MORN2: variants seen among roughly 807,000 people sequenced by gnomAD.
MORN2 encodes the protein MORN repeat-containing protein 2.
Under a neutral mutation model 13.4 loss-of-function variants are expected in MORN2, and 15 were observed. The ratio of observed to expected loss-of-function variants is 1.12; its 90% CI spans 0.75 to 1.72. The LOEUF is 1.72. MORN2 is among the 40% of genes most tolerant of loss of function. MORN2 has a pLI of 0.00. For synonymous variants in MORN2, 46 were observed against 43.6 expected, an observed-to-expected ratio of 1.06 and a Z score of -0.22; for missense variants, 168 against 134.6, an observed-to-expected ratio of 1.25 and a Z score of -1.23.
intron 4 of MORN2, among the ~76,000 whole-genome samples, chr2:38,882,169 T>G (rs1257279573): frequency 6.6e-6 from 1 of 151,606 alleles, no homozygotes; most frequent in African/African-American, 2.4e-5. Context: ...TATGTGATCC[T>G]AAAATCTTGG....
At chr2:38,879,439 A>G (rs1181189506) in intron 1 of MORN2, among the ~76,000 whole-genome samples, 1 of 152,250 alleles carries the variant, frequency 6.6e-6, no homozygotes, top group African/African-American at 2.4e-5. Flanking sequence ...CAACATATTT[A>G]TACAATATAC....
intron 1 of MORN2, among the ~76,000 whole-genome samples, chr2:38,876,548 C>G (rs1665630735): frequency 6.6e-6 from 1 of 152,206 alleles, no homozygotes; most frequent in Non-Finnish European, 1.5e-5. Context: ...GTACTAAACA[C>G]GGAGTCGGAC....
chr2:38,879,013 T>C (rs1310874238), intron 1 of MORN2, among the ~76,000 whole-genome samples: 1 of 152,230 alleles, frequency 6.6e-6, no homozygotes, highest in Non-Finnish European at 1.5e-5. Context: ...ATACAGTTTC[T>C]AGTTTTAGTC....
At chr2:38,876,199 A>G (rs1244941028) in intron 1 of MORN2, 89 bp downstream of exon 1, 1 of 398,324 alleles carries the variant, frequency 2.5e-6, no homozygotes, top group Non-Finnish European at 4.4e-6. Flanking sequence ...GGCTCCCGGT[A>G]ACTCCTGTGG....
intron 3 of MORN2, 101 bp downstream of exon 3, chr2:38,880,807 A>C: frequency 8.2e-7 from 1 of 1,218,750 alleles, no homozygotes; most frequent in Non-Finnish European, 1.1e-6. Flanking sequence ...TAATGAGTAG[A>C]CTATATAATA....
At chr2:38,881,242 A>G (rs966289137) in intron 3 of MORN2, among the ~76,000 whole-genome samples, 200 bp from the exon 4 acceptor site, 1 of 152,174 alleles carries the variant, frequency 6.6e-6, no homozygotes, top group Non-Finnish European at 1.5e-5. Flanking sequence ...GATCCAGAAC[A>G]TTTAATTTAC....
chr2:38,877,856 G>C (rs1450740956), intron 1 of MORN2, among the ~76,000 whole-genome samples: 1 of 151,488 alleles, frequency 6.6e-6, no homozygotes, highest in Non-Finnish European at 1.5e-5. Flanking sequence ...TGGAGGGCAG[G>C]GTGTGATCGG....
chr2:38,876,358 G>T (rs760075336), intron 1 of MORN2: 2 of 385,918 alleles, frequency 5.2e-6, no homozygotes, highest in African/African-American at 4.1e-5. Flanking sequence ...CTATGGTGCC[G>T]GGTGGTCTCT....
chr2:38,879,742 C>A (rs1476696968), intron 1 of MORN2, among the ~76,000 whole-genome samples: 2 of 151,946 alleles, frequency 1.3e-5, no homozygotes, highest in African/African-American at 4.8e-5. Context: ...ATGATAGTTG[C>A]ACAACTCTGA....
Position 38,881,486 on chromosome 2 carries a change from TGAA to T in MORN2, c.263_265del (p.Glu88del). On this transcript the variant is annotated inframe_deletion, in exon 4 of 5. Transcript: ENST00000644631. The stretch of plus-strand genomic sequence containing the variant: ...TTGAGCATTTTTCAGGAGCAGTATA[TGAA>T]GGACAATTTAAGGATAATATGTTTC... 1 of 1,546,294 alleles carries T rather than the reference TGAA, an allele frequency of 6.5e-7. No individual in the cohort carries two copies. The highest frequency in any genetic ancestry group is 8.7e-7 in the Non-Finnish European group (1 of 1,145,198).
intron 4 of MORN2, among the ~76,000 whole-genome samples, 177 bp downstream of exon 4, chr2:38,881,755 A>G (rs1054466044): frequency 6.6e-6 from 1 of 152,124 alleles, no homozygotes; most frequent in African/African-American, 2.4e-5. Context: ...GGTTCAAGCG[A>G]TTCTCTTGCC....
At chr2:38,879,636 G>A (rs896182532) in intron 1 of MORN2, among the ~76,000 whole-genome samples, 8 of 152,072 alleles carry the variant, frequency 5.3e-5, no homozygotes, top group African/African-American at 1.9e-4. Context: ...TGGGGTTGTG[G>A]GGTGAGGGGT....
chr2:38,881,474 A>G lies in MORN2; in HGVS notation c.249A>G (p.Ser83=). 6.5e-7 allele frequency: 1 copy of G among 1,539,512 alleles called. No individual in the cohort carries two copies. Among genetic ancestry groups the G allele is most frequent in the Non-Finnish European group, 8.7e-7 (1 of 1,143,328 alleles). Residue 83 remains serine, a synonymous_variant, in exon 4 of 5, where the codon TCA becomes TCG. Coordinates refer to ENST00000644631, the MANE Select transcript of MORN2 (RefSeq NM_001145450.3). ...GTTTTGGAAGACTTGAGCATTTTTCAGGAGCAGTATATGAAGGACAATTTA... is the reference window on the plus strand; with the variant it reads ...GTTTTGGAAGACTTGAGCATTTTTCGGGAGCAGTATATGAAGGACAATTTA...
At chr2:38,881,636 T>G in intron 4 of MORN2, 58 bp downstream of exon 4, 23 of 1,246,500 alleles carry the variant, frequency 1.8e-5, no homozygotes, top group Non-Finnish European at 2.4e-5. Flanking sequence ...TCTGGTATGT[T>G]TGCTTAAATA....
At chr2:38,878,518 T>A (rs1047536397) in intron 1 of MORN2, among the ~76,000 whole-genome samples, 1 of 151,442 alleles carries the variant, frequency 6.6e-6, no homozygotes, top group Non-Finnish European at 1.5e-5. Context: ...TGCTACTTTC[T>A]TTTTTTTTAA....
At chr2:38,880,819 A>C (rs932532849) in intron 3 of MORN2, 113 bp downstream of exon 3, 7 of 1,109,982 alleles carry the variant, frequency 6.3e-6, no homozygotes, top group Middle Eastern at 2.3e-4. Flanking sequence ...TATATAATAA[A>C]AATAACAAAT....
chr2:38,878,176 C>T (rs1160923235), intron 1 of MORN2, among the ~76,000 whole-genome samples: 1 of 152,122 alleles, frequency 6.6e-6, no homozygotes, highest in African/African-American at 2.4e-5. Flanking sequence ...ATAATTTTGT[C>T]TCGGAATTTT....
chr2:38,881,223 A>T (rs181314199), intron 3 of MORN2, among the ~76,000 whole-genome samples: 2 of 152,182 alleles, frequency 1.3e-5, no homozygotes, highest in Admixed American at 6.5e-5. Context: ...CTGATGTTCA[A>T]ATGTCCCAGA....
chr2:38,881,387 G>C, intron 3 of MORN2, 55 bp from the exon 4 acceptor site: 2 of 1,461,812 alleles, frequency 1.4e-6, no homozygotes, highest in African/African-American at 1.5e-5. Context: ...ATTTTTTAAA[G>C]GTTCTTGGGA....
Sources: allele counts gnomAD v4.1 joint callset (sites outside exome capture counted in the v4.1 genomes callset), GRCh38; gene constraint gnomAD v4.1.1; transcripts MANE v1.5; gene names NCBI Gene and HGNC (gene_info 2026-07-23, HGNC 2026-07-21).